CAMTA1: variants seen among roughly 807,000 people sequenced by gnomAD.
CAMTA1 encodes calmodulin-binding transcription activator 1.
Under a neutral mutation model 170.9 loss-of-function variants are expected in CAMTA1, and 27 were observed. The observed-to-expected ratio is 0.16, with a 90% confidence interval of 0.12 to 0.22. The LOEUF is 0.22. Ranked by LOEUF, CAMTA1 falls within the 10% of genes least tolerant of loss-of-function variation. CAMTA1 has a pLI of 1.00. For missense variants in CAMTA1, 1,619 were observed against 2,217.2 expected (o/e 0.73, Z 5.42); for synonymous variants, 833 against 891.5 (o/e 0.93, Z 1.17).
intron 6 of CAMTA1, among the ~76,000 whole-genome samples, chr1:7,486,313 CATG>C (rs1280710795): frequency 2.0e-5 from 3 of 152,234 alleles, no homozygotes; most frequent in Admixed American, 6.5e-5. Flanking sequence ...AAGCTACCAA[CATG>C]ATATCATGAT....
chr1:7,105,635 C>T (rs891069266), intron 4 of CAMTA1, among the ~76,000 whole-genome samples: 9 of 152,162 alleles, frequency 5.9e-5, no homozygotes, highest in Non-Finnish European at 1.0e-4. Context: ...GCATATGCCT[C>T]AAAGTTGATT....
chr1:7,554,094 A>G (rs1360126414), intron 6 of CAMTA1, among the ~76,000 whole-genome samples: 1 of 151,936 alleles, frequency 6.6e-6, no homozygotes, highest in Non-Finnish European at 1.5e-5. Context: ...ATAAATGTAG[A>G]AGATGGCCTG....
chr1:7,219,477 C>T (rs1023493136), intron 4 of CAMTA1: 6 of 141,804 alleles, frequency 4.2e-5, no homozygotes, highest in Non-Finnish European at 9.0e-5. Context: ...GTGGGAAACT[C>T]ACTGCATCAT....
chr1:7,238,744 C>T (rs1459151195), intron 4 of CAMTA1, among the ~76,000 whole-genome samples: 2 of 152,130 alleles, frequency 1.3e-5, no homozygotes, highest in Admixed American at 1.3e-4. Flanking sequence ...ATTAGCGGGG[C>T]GTGGGGCATG....
intron 3 of CAMTA1, among the ~76,000 whole-genome samples, chr1:6,945,991 A>G (rs1419129344): frequency 6.6e-6 from 1 of 151,982 alleles, no homozygotes; most frequent in Non-Finnish European, 1.5e-5. Flanking sequence ...TTTTGTGGGG[A>G]CACATGTTTT....
intron 3 of CAMTA1, among the ~76,000 whole-genome samples, chr1:6,890,232 A>G (rs1289895568): frequency 6.6e-6 from 1 of 152,184 alleles, no homozygotes; most frequent in Non-Finnish European, 1.5e-5. Context: ...TGGCCCTGGC[A>G]TTGACTCAGT....
At chr1:7,200,056 C>T (rs916463237) in intron 4 of CAMTA1, among the ~76,000 whole-genome samples, 6 of 152,112 alleles carry the variant, frequency 3.9e-5, no homozygotes, top group African/African-American at 7.2e-5. Context: ...GAAACAATTT[C>T]AGAAAGTTGA....
intron 6 of CAMTA1, among the ~76,000 whole-genome samples, chr1:7,613,906 G>A (rs1368885033): frequency 6.7e-6 from 1 of 149,212 alleles, no homozygotes; most frequent in Non-Finnish European, 1.5e-5. Flanking sequence ...GACCTAGAGT[G>A]TCAGGTGGGA....
chr1:6,923,738 A>T (rs940374142), intron 3 of CAMTA1, among the ~76,000 whole-genome samples: 6 of 152,216 alleles, frequency 3.9e-5, no homozygotes, highest in African/African-American at 1.4e-4. Context: ...TCCTTCTTTC[A>T]TGGATAGTAA....
At chr1:7,160,995 T>C (rs779239053) in intron 4 of CAMTA1, among the ~76,000 whole-genome samples, 14 of 152,276 alleles carry the variant, frequency 9.2e-5, no homozygotes, top group Middle Eastern at 3.4e-3. Flanking sequence ...GAGTTCAGGG[T>C]TCCATGATCT....
At chr1:7,057,697 TAGAC>T (rs1707571994) in intron 3 of CAMTA1, among the ~76,000 whole-genome samples, 1 of 152,236 alleles carries the variant, frequency 6.6e-6, no homozygotes, top group Non-Finnish European at 1.5e-5. Flanking sequence ...TTGAGCCTCT[TAGAC>T]AGTTAGTCCT....
intron 11 of CAMTA1, among the ~76,000 whole-genome samples, chr1:7,709,866 T>C (rs190986777): frequency 9.0e-4 from 137 of 152,372 alleles, no homozygotes; most frequent in African/African-American, 3.1e-3. Flanking sequence ...GCATTGCACA[T>C]AGTAAGCGTA....
chr1:6,820,542 T>G (rs1358489666), intron 2 of CAMTA1, among the ~76,000 whole-genome samples: 1 of 152,226 alleles, frequency 6.6e-6, no homozygotes, highest in Non-Finnish European at 1.5e-5. Flanking sequence ...GTAATTCTAG[T>G]GTCCAATACC....
At chr1:7,667,673 C>T (rs541304318) in intron 9 of CAMTA1, among the ~76,000 whole-genome samples, 1 of 152,304 alleles carries the variant, frequency 6.6e-6, no homozygotes, top group Admixed American at 6.5e-5. Flanking sequence ...GGCCTGACTC[C>T]TTCTGTCCTT....
At chr1:7,149,404 C>T (rs1017746481) in intron 4 of CAMTA1, among the ~76,000 whole-genome samples, 1 of 152,216 alleles carries the variant, frequency 6.6e-6, no homozygotes, top group Non-Finnish European at 1.5e-5. Context: ...TTCTGCCCCT[C>T]TGCTGCCATC....
chr1:7,718,418 C>T (rs1443868299), intron 11 of CAMTA1, among the ~76,000 whole-genome samples: 2 of 152,216 alleles, frequency 1.3e-5, no homozygotes, highest in African/African-American at 4.8e-5. Context: ...CTCACTTTGT[C>T]GTTTCTGTCT....
At chr1:7,085,726 G>A (rs537643292) in intron 3 of CAMTA1, among the ~76,000 whole-genome samples, 1 of 152,258 alleles carries the variant, frequency 6.6e-6, no homozygotes, top group Non-Finnish European at 1.5e-5. Context: ...TCACCTGCCA[G>A]CCCCCATGGG....
rs1284275502 is a variant in CAMTA1, at chr1:7,116,738, TC to T, written c.302+25369del. Among the ~76,000 whole-genome samples, 4 of 146,460 alleles carry T rather than the reference TC, an allele frequency of 2.7e-5. No homozygotes were observed. The East Asian group carries it at 6.3e-4, about 23-fold the overall frequency. ...TCTCGGCTCACTGCAAGCTCCGCCTTCCGGGTTCACGCCATTCTTCTGCCTC... is the reference window on the plus strand; with the variant it reads ...TCTCGGCTCACTGCAAGCTCCGCCTTCGGGTTCACGCCATTCTTCTGCCTC... On this transcript the variant is annotated intron_variant, in intron 4 of 22. Coordinates refer to ENST00000303635, the MANE Select transcript of CAMTA1 (RefSeq NM_015215.4).
intron 4 of CAMTA1, among the ~76,000 whole-genome samples, chr1:7,102,156 T>G (rs1434721299): frequency 6.6e-6 from 1 of 152,172 alleles, no homozygotes; most frequent in East Asian, 1.9e-4. Context: ...TGAAATTTTT[T>G]GGGTAGAGGA....
Sources: allele counts gnomAD v4.1 joint callset (sites outside exome capture counted in the v4.1 genomes callset), GRCh38; gene constraint gnomAD v4.1.1; transcripts MANE v1.5; gene names NCBI Gene and HGNC (gene_info 2026-07-23, HGNC 2026-07-21).